The following MYCBP variants were observed in gnomAD, a reference collection of about 807,000 sequenced individuals.
MYCBP encodes the protein MYC binding protein, also known as C-Myc-binding protein.
Under a neutral mutation model 16.8 loss-of-function variants are expected in MYCBP, and 5 were observed. That is an observed-to-expected ratio of 0.30 (90% CI 0.16 to 0.63). The LOEUF (loss-of-function observed/expected upper bound fraction) is 0.63, where lower values mean the gene tolerates loss of function less well. Among genes scored for constraint, MYCBP ranks in the 20% least tolerant of loss-of-function variants. The pLI, the probability that MYCBP is intolerant of heterozygous loss-of-function variation, is 0.83. For synonymous variants in MYCBP, 35 were observed against 43.7 expected, an observed-to-expected ratio of 0.80 and a Z score of 0.79; for missense variants, 103 against 121.8, an observed-to-expected ratio of 0.85 and a Z score of 0.73.
intron 2 of MYCBP, among the ~76,000 whole-genome samples, chr1:38,868,631 C>T (rs150975378): frequency 1.7e-3 from 259 of 152,164 alleles, no homozygotes; most frequent in East Asian, 7.5e-3. Flanking sequence ...TGTGGCTGGG[C>T]GCAGTGGCTC....
In MYCBP at chr1:38,870,508, T is replaced by C. The variant is rs1028846367; in HGVS notation, c.88+2510A>G. Among the ~76,000 whole-genome samples, 250 of 151,182 alleles carry C rather than the reference T, an allele frequency of 1.7e-3. 1 individual carries two copies. The highest frequency in any genetic ancestry group is 5.5e-3 in the African/African-American group (227 of 41,152). The stretch of plus-strand genomic sequence containing the variant: ...AAAAAAAATAAAAAGTAAAAACAAA[T>C]AGAGGCCGGGCGCGGTGGCTCACGC... On this transcript the variant is annotated intron_variant, in intron 2 of 4. Transcript: ENST00000397572.
At chr1:38,872,996 C>A in intron 2 of MYCBP, 22 bp downstream of exon 2, 2 of 1,562,614 alleles carry the variant, frequency 1.3e-6, no homozygotes, top group South Asian at 1.2e-5. Context: ...GCACGAGGTA[C>A]CCTCTCCTAG....
chr1:38,862,702 C>T lies in MYCBP; in HGVS notation c.*1968G>A, dbSNP rs972463418. 2.6e-5 allele frequency among the ~76,000 whole-genome samples: 4 copies of T among 152,190 alleles called. No individual in the cohort carries two copies. The highest frequency in any genetic ancestry group is 2.6e-4 in the Admixed American group (4 of 15,282). Reference sequence around the variant, plus strand: ...TTGAAGAGGACCTCTAGAGGCTAAGCTTATCCTGAATTCTTAAATAGCACT... The same window carrying T: ...TTGAAGAGGACCTCTAGAGGCTAAGTTTATCCTGAATTCTTAAATAGCACT... On this transcript the variant is annotated 3_prime_UTR_variant, in exon 5 of 5. Coordinates refer to ENST00000397572, the MANE Select transcript of MYCBP (RefSeq NM_012333.5).
rs978726557 is a variant in MYCBP at position 38,863,702 on chromosome 1, TCAG to T, written c.*965_*967del. 3.3e-5 allele frequency: 5 copies of T among 152,616 alleles called. No homozygotes were observed. Among genetic ancestry groups the T allele is most frequent in the African/African-American group, 1.2e-4 (5 of 41,448 alleles). The allele number at this position is 152,616 out of a possible 1,614,324, so 9.5% of individuals were successfully genotyped here. ...TAATATCAGTCTTTGGCCTAAAAAT[TCAG>T]CACCCCTCTTCCCCTTATACTTGTC... On this transcript the variant is annotated 3_prime_UTR_variant, in exon 5 of 5. Coordinates refer to ENST00000397572, the MANE Select transcript of MYCBP (RefSeq NM_012333.5).
At position 38,866,870 on chromosome 1, in the gene MYCBP, A is replaced by T; in HGVS notation, c.267+10T>A. 2 of 1,503,082 alleles carry T rather than the reference A, an allele frequency of 1.3e-6. No individual in the cohort carries two copies. The highest frequency in any genetic ancestry group is 4.7e-5 in the East Asian group (2 of 42,432). 93.1% of individuals were successfully genotyped at this position (1,503,082 alleles called of 1,614,324 possible). ...AATTATTTGAATATGAATTCTTTTT[A>T]AAAATTTACCTTTGCTTTCAGTTTT... On this transcript the variant is annotated intron_variant, in intron 4 of 4. Coordinates refer to ENST00000397572, the MANE Select transcript of MYCBP (RefSeq NM_012333.5).
At chr1:38,868,645 C>G (rs1048784030) in intron 2 of MYCBP, among the ~76,000 whole-genome samples, 1 of 152,152 alleles carries the variant, frequency 6.6e-6, no homozygotes, top group African/African-American at 2.4e-5. Context: ...GTGGCTCACA[C>G]CTGTAATCCC....
intron 2 of MYCBP, among the ~76,000 whole-genome samples, chr1:38,868,952 T>C (rs1435497587): frequency 6.6e-6 from 1 of 152,034 alleles, no homozygotes; most frequent in Admixed American, 6.6e-5. Context: ...GTGATAGATA[T>C]CTAGACCCCA....
intron 2 of MYCBP, among the ~76,000 whole-genome samples, chr1:38,868,633 C>T (rs1249694670): frequency 6.6e-6 from 1 of 152,122 alleles, no homozygotes; most frequent in Non-Finnish European, 1.5e-5. Context: ...TGGCTGGGCG[C>T]AGTGGCTCAC....
intron 2 of MYCBP, among the ~76,000 whole-genome samples, chr1:38,870,288 A>C (rs1642434080): frequency 6.6e-6 from 1 of 151,984 alleles, no homozygotes; most frequent in Admixed American, 6.6e-5. Flanking sequence ...TTAAGACTGC[A>C]CTGAGACATG....
chr1:38,871,427 CTTTT>C (rs71573793), intron 2 of MYCBP, among the ~76,000 whole-genome samples: 216 of 110,594 alleles, frequency 2.0e-3, no homozygotes, highest in African/African-American at 6.7e-3. Context: ...CCACCTGTCA[CTTTT>C]TTTTTTTTTT....
chr1:38,871,608 T>C (rs555812700), intron 2 of MYCBP, among the ~76,000 whole-genome samples: 42 of 134,774 alleles, frequency 3.1e-4, no homozygotes, highest in Non-Finnish European at 6.0e-4. Context: ...GATGGGAGTT[T>C]TGCCATGTTG....
chr1:38,873,196 C>G, intron 1 of MYCBP, 95 bp downstream of exon 1: 1 of 1,564,056 alleles, frequency 6.4e-7, no homozygotes, highest in Non-Finnish European at 8.6e-7. Flanking sequence ...GGGGCCCTCC[C>G]GCCCAAACCT....
chr1:38,871,163 C>T (rs1336325466), intron 2 of MYCBP, among the ~76,000 whole-genome samples: 2 of 152,140 alleles, frequency 1.3e-5, no homozygotes, highest in Admixed American at 1.3e-4. Context: ...ATCGCTTGAA[C>T]CCGGAGGTGG....
At position 38,873,028 on chromosome 1, in the gene MYCBP, C is replaced by T. The variant is rs1354335246; in HGVS notation, c.78G>A (p.Thr26=). Residue 26 remains threonine (T), a synonymous_variant, in exon 2 of 5, where the codon ACG becomes ACA. Coordinates refer to ENST00000397572, the MANE Select transcript of MYCBP (RefSeq NM_012333.5). ...RYLEKSGVLD[T]LTKVLVALYE... ...CTAGCCCAGGCTCACCCTTGGTCAG[C>T]GTGTCCAGCACCCCCGACTTCTCCA... 20 of 1,575,826 alleles carry T rather than the reference C, an allele frequency of 1.3e-5. No individual in the cohort carries two copies. Among genetic ancestry groups the T allele is most frequent in the Non-Finnish European group, 1.7e-5 (20 of 1,160,890 alleles).
At chr1:38,868,924 CA>C (rs1277259259) in intron 2 of MYCBP, among the ~76,000 whole-genome samples, 3 of 151,898 alleles carry the variant, frequency 2.0e-5, no homozygotes, top group Non-Finnish European at 4.4e-5. Flanking sequence ...AAAAACAAAA[CA>C]AACAAACAAA....
chr1:38,865,222 T>G (rs1642311526), intron 4 of MYCBP, among the ~76,000 whole-genome samples: 1 of 152,248 alleles, frequency 6.6e-6, no homozygotes, highest in South Asian at 2.1e-4. Context: ...TCTTTTATGC[T>G]AAGTGTGGTT....
Position 38,866,053 on chromosome 1 carries a change from T to TTTTTTTTC in MYCBP, c.267+826_267+827insGAAAAAAA, listed in dbSNP as rs1553155123. Among the ~76,000 whole-genome samples the TTTTTTTTC allele has an allele frequency of 3.7e-5, 5 of 133,998 alleles. No homozygotes were observed. In the East Asian group the frequency reaches 8.4e-4, roughly 22 times the overall value. The allele number at this position is 133,998 out of a possible 152,430, so 87.9% of individuals were successfully genotyped here. ...AGGTTCCTAAGAACCTCTTTTTTTT[T>TTTTTTTTC]TTTTTTTTTTTTGAGACAGAGTTTC... is the stretch of plus-strand genomic sequence containing the variant. On this transcript the variant is annotated intron_variant, in intron 4 of 4. Coordinates refer to ENST00000397572, the MANE Select transcript of MYCBP (RefSeq NM_012333.5).
chr1:38,866,715 C>G (rs968563996), intron 4 of MYCBP, among the ~76,000 whole-genome samples, 165 bp downstream of exon 4: 1 of 152,046 alleles, frequency 6.6e-6, no homozygotes, highest in African/African-American at 2.4e-5. Context: ...GTGCCAGGCC[C>G]GTCTTGTGGT....
chr1:38,868,938 A>T (rs1642400100), intron 2 of MYCBP, among the ~76,000 whole-genome samples: 1 of 152,064 alleles, frequency 6.6e-6, no homozygotes, highest in East Asian at 1.9e-4. Flanking sequence ...CAAACAAAAA[A>T]ACAGTGATAG....
Sources: allele counts gnomAD v4.1 joint callset (sites outside exome capture counted in the v4.1 genomes callset), GRCh38; gene constraint gnomAD v4.1.1; transcripts MANE v1.5; gene names NCBI Gene and HGNC (gene_info 2026-07-23, HGNC 2026-07-21).